The following ADGRV1 variants were observed in gnomAD, a reference collection of about 807,000 sequenced individuals.
ADGRV1 encodes the protein G-protein coupled receptor 98.
A neutral mutation model predicts 596.2 loss-of-function variants in ADGRV1; 359 were observed. The observed-to-expected ratio is 0.60, with a 90% CI of 0.55 to 0.66. The LOEUF is 0.66. Among genes scored for constraint, ADGRV1 ranks in the 30% least tolerant of loss-of-function variants. ADGRV1 has a pLI of 0.00. For synonymous variants in ADGRV1, 2,681 were observed against 2,679.2 expected (o/e 1.00, Z -0.02); for missense variants, 7,274 against 7,575.6 (o/e 0.96, Z 1.48).
chr5:90,600,722 A>T (rs983786712), intron 1 of ADGRV1, among the ~76,000 whole-genome samples: 3 of 152,200 alleles, frequency 2.0e-5, no homozygotes, highest in African/African-American at 7.2e-5. Flanking sequence ...TCCTTGAGGA[A>T]TTGCCACATA....
chr5:90,694,810 C>A, intron 33 of ADGRV1, 109 bp downstream of exon 33: 1 of 1,057,878 alleles, frequency 9.5e-7, no homozygotes, highest in Non-Finnish European at 1.3e-6. Context: ...TGTTAATATA[C>A]AGAAATGTAG....
intron 85 of ADGRV1, among the ~76,000 whole-genome samples, chr5:91,043,830 A>G (rs930066815): frequency 1.3e-4 from 20 of 151,714 alleles, no homozygotes; most frequent in African/African-American, 4.6e-4. Context: ...TCACTCCTCA[A>G]ATAGGCCTTT....
intron 83 of ADGRV1, among the ~76,000 whole-genome samples, chr5:90,923,919 T>C: frequency 6.6e-6 from 1 of 152,018 alleles, no homozygotes; most frequent in Non-Finnish European, 1.5e-5. Flanking sequence ...CTAAGAATGA[T>C]GATTTCCAAT....
At chr5:90,937,502 G>C (rs1775801479) in intron 83 of ADGRV1, among the ~76,000 whole-genome samples, 1 of 146,092 alleles carries the variant, frequency 6.8e-6, no homozygotes, top group African/African-American at 2.5e-5. Flanking sequence ...CTGTCGCCCA[G>C]GCTGGAGTGC....
intron 87 of ADGRV1, among the ~76,000 whole-genome samples, chr5:91,148,602 A>T (rs570636960): frequency 6.6e-6 from 1 of 152,270 alleles, no homozygotes; most frequent in South Asian, 2.1e-4. Flanking sequence ...TGGAGCCCTC[A>T]TAAAGAACCT....
intron 52 of ADGRV1, among the ~76,000 whole-genome samples, chr5:90,748,961 C>T (rs1022854311): frequency 3.9e-5 from 6 of 152,108 alleles, no homozygotes; most frequent in African/African-American, 7.2e-5. Flanking sequence ...AGAGGCAGAA[C>T]ACTTACAAGG....
At chr5:90,870,391 C>T (rs570724525) in intron 83 of ADGRV1, among the ~76,000 whole-genome samples, 1 of 152,178 alleles carries the variant, frequency 6.6e-6, no homozygotes, top group African/African-American at 2.4e-5. Context: ...GAATTTGAAG[C>T]CAGATGTGTC....
chr5:90,959,972 T>C (rs1396632099), intron 83 of ADGRV1, among the ~76,000 whole-genome samples: 1 of 151,610 alleles, frequency 6.6e-6, no homozygotes, highest in Non-Finnish European at 1.5e-5. Context: ...ACCCCGTCTC[T>C]ACTAAAAATA....
chr5:90,867,928 A>T (rs1768285383), intron 83 of ADGRV1, among the ~76,000 whole-genome samples: 1 of 152,182 alleles, frequency 6.6e-6, no homozygotes, highest in Non-Finnish European at 1.5e-5. Flanking sequence ...AAGTACAAGG[A>T]TCAAAATTAA....
intron 85 of ADGRV1, among the ~76,000 whole-genome samples, chr5:91,044,996 G>A (rs1387710828): frequency 6.6e-6 from 1 of 152,092 alleles, no homozygotes; most frequent in Non-Finnish European, 1.5e-5. Context: ...GCTTTGCCAA[G>A]CATTAAAGGA....
At chr5:90,664,997 C>T (rs965734603) in intron 21 of ADGRV1, among the ~76,000 whole-genome samples, 3 of 151,912 alleles carry the variant, frequency 2.0e-5, no homozygotes, top group African/African-American at 4.8e-5. Context: ...TTTTGATGTG[C>T]TGCTGGATTC....
intron 85 of ADGRV1, among the ~76,000 whole-genome samples, chr5:91,058,804 G>A (rs371657492): frequency 6.6e-5 from 10 of 152,072 alleles, no homozygotes; most frequent in Admixed American, 2.6e-4. Context: ...TCATGCGGAC[G>A]TGCTGTGGAC....
intron 87 of ADGRV1, among the ~76,000 whole-genome samples, chr5:91,118,260 G>T (rs1351318555): frequency 6.6e-6 from 1 of 151,838 alleles, no homozygotes; most frequent in Non-Finnish European, 1.5e-5. Flanking sequence ...TATGATAGGA[G>T]AATAAAGGGA....
At chr5:90,598,114 A>G (rs910723579) in intron 1 of ADGRV1, among the ~76,000 whole-genome samples, 1 of 152,156 alleles carries the variant, frequency 6.6e-6, no homozygotes, top group Non-Finnish European at 1.5e-5. Flanking sequence ...TTTAAAAAGG[A>G]TTTACTTTTT....
chr5:90,628,965 T>G, intron 8 of ADGRV1, 133 bp downstream of exon 8: 3 of 848,024 alleles, frequency 3.5e-6, no homozygotes, highest in Non-Finnish European at 5.3e-6. Context: ...AAATGATAGT[T>G]TTCTTACTCA....
At chr5:90,698,244 T>G (rs76537827) in intron 34 of ADGRV1, among the ~76,000 whole-genome samples, 5,698 of 152,226 alleles carry the variant, frequency 0.037, 360 homozygotes, top group African/African-American at 0.13. Flanking sequence ...GCAGGAATAG[T>G]TAATAATAAT....
At chr5:90,969,047 G>A (rs1278917399) in intron 84 of ADGRV1, among the ~76,000 whole-genome samples, 2 of 149,958 alleles carry the variant, frequency 1.3e-5, no homozygotes, top group African/African-American at 2.5e-5. Flanking sequence ...TATACTTTTA[G>A]TGCCATATAA....
intron 83 of ADGRV1, among the ~76,000 whole-genome samples, chr5:90,893,918 TAAC>T (rs2150594558): frequency 6.6e-6 from 1 of 152,328 alleles, no homozygotes; most frequent in East Asian, 1.9e-4. Context: ...AAATGTATCT[TAAC>T]AATTAATGTT....
chr5:90,858,888 A>G (rs1767282301), intron 82 of ADGRV1, among the ~76,000 whole-genome samples: 1 of 152,100 alleles, frequency 6.6e-6, no homozygotes, highest in Non-Finnish European at 1.5e-5. Flanking sequence ...CAGGCTTGCC[A>G]GGGGGAAAGC....
Sources: gnomAD v4.1 joint callset for allele counts (sites outside exome capture counted in the v4.1 genomes callset) on GRCh38, gnomAD v4.1.1 for gene constraint, MANE v1.5 for transcripts, NCBI Gene and HGNC (gene_info 2026-07-23, HGNC 2026-07-21) for gene names.